Variants in SETBP1 observed in about 807,000 individuals in gnomAD.
SETBP1 encodes the protein SET binding protein 1, also known as SET-binding protein.
SETBP1 carries 9 observed loss-of-function variants against 101.0 expected under a neutral mutation model. That is an observed-to-expected ratio of 0.09 (90% CI 0.05 to 0.16). SETBP1 has a LOEUF of 0.16. Among genes scored for constraint, SETBP1 ranks in the 10% least tolerant of loss-of-function variants. SETBP1 has a pLI of 1.00. For synonymous variants in SETBP1, 818 were observed against 788.5 expected, an observed-to-expected ratio of 1.04 and a Z score of -0.63; for missense variants, 1,858 against 2,033.8, an observed-to-expected ratio of 0.91 and a Z score of 1.66.
chr18:44,896,127 C>T (rs1210753049), intron 3 of SETBP1, among the ~76,000 whole-genome samples: 1 of 152,140 alleles, frequency 6.6e-6, no homozygotes. Context: ...ACTTCATTGC[C>T]TACCCCTGAC....
chr18:44,758,422 G>T (rs2070554525), intron 2 of SETBP1, among the ~76,000 whole-genome samples: 1 of 147,544 alleles, frequency 6.8e-6, no homozygotes, highest in Admixed American at 6.8e-5. Flanking sequence ...TCGCTCTGTT[G>T]CCCAGGCTGG....
At chr18:44,708,355 A>C (rs1015903422) in intron 2 of SETBP1, among the ~76,000 whole-genome samples, 4 of 152,230 alleles carry the variant, frequency 2.6e-5, no homozygotes, top group Non-Finnish European at 5.9e-5. Flanking sequence ...CAACACCCTC[A>C]TCCTGACTTG....
intron 4 of SETBP1, among the ~76,000 whole-genome samples, chr18:45,020,896 T>G (rs543692657): frequency 1.3e-5 from 2 of 152,262 alleles, no homozygotes; most frequent in East Asian, 3.9e-4. Context: ...AAATGTGGGG[T>G]GTTTGTGTAT....
chr18:44,990,297 A>G (rs1173059151), intron 4 of SETBP1, among the ~76,000 whole-genome samples: 2 of 152,230 alleles, frequency 1.3e-5, no homozygotes, highest in Admixed American at 6.5e-5. Context: ...ACTTATATTT[A>G]AATATTTGAA....
At chr18:44,875,883 A>G (rs889086654) in intron 3 of SETBP1, among the ~76,000 whole-genome samples, 3 of 152,172 alleles carry the variant, frequency 2.0e-5, no homozygotes, top group Non-Finnish European at 2.9e-5. Flanking sequence ...ATTCTTAACC[A>G]CTTATGCTAC....
intron 3 of SETBP1, among the ~76,000 whole-genome samples, chr18:44,894,716 T>C (rs2069851424): frequency 6.6e-6 from 1 of 151,874 alleles, no homozygotes; most frequent in African/African-American, 2.4e-5. Context: ...TTAAAGTATG[T>C]GTAGGAATGA....
intron 2 of SETBP1, among the ~76,000 whole-genome samples, chr18:44,841,690 C>A (rs971805482): frequency 6.6e-6 from 1 of 152,156 alleles, no homozygotes; most frequent in East Asian, 1.9e-4. Context: ...CCATCAATTA[C>A]CTTCTTCCTA....
intron 4 of SETBP1, among the ~76,000 whole-genome samples, chr18:44,997,185 A>G (rs891664540): frequency 2.6e-5 from 4 of 152,082 alleles, no homozygotes; most frequent in African/African-American, 9.7e-5. Flanking sequence ...CCCCTATGAT[A>G]CTAGCTGAGC....
At chr18:44,995,411 G>C (rs1035949709) in intron 4 of SETBP1, among the ~76,000 whole-genome samples, 2 of 152,010 alleles carry the variant, frequency 1.3e-5, no homozygotes, top group Non-Finnish European at 2.9e-5. Context: ...TAAGTGCTGG[G>C]ATTATAGGCG....
At chr18:44,799,526 A>G (rs970310868) in intron 2 of SETBP1, among the ~76,000 whole-genome samples, 2 of 152,110 alleles carry the variant, frequency 1.3e-5, no homozygotes, top group Non-Finnish European at 2.9e-5. Flanking sequence ...ATGTCTCTCT[A>G]CCTCCAGGTT....
chr18:44,810,981 G>C (rs1482079427), intron 2 of SETBP1, among the ~76,000 whole-genome samples: 27 of 152,180 alleles, frequency 1.8e-4, no homozygotes, highest in Admixed American at 1.8e-3. Context: ...TCATGACTCA[G>C]TAAAGATTCA....
chr18:44,805,932 A>G (rs2071722617), intron 2 of SETBP1, among the ~76,000 whole-genome samples: 1 of 152,156 alleles, frequency 6.6e-6, no homozygotes, highest in African/African-American at 2.4e-5. Flanking sequence ...TCTATGCTAA[A>G]TTATAGGTGT....
chr18:45,049,726 G>T (rs898188600), intron 5 of SETBP1, among the ~76,000 whole-genome samples: 2 of 152,136 alleles, frequency 1.3e-5, no homozygotes, highest in Non-Finnish European at 2.9e-5. Flanking sequence ...AACTGGAGCA[G>T]AATCAAAACA....
At chr18:45,012,615 A>C (rs895386364) in intron 4 of SETBP1, among the ~76,000 whole-genome samples, 134 of 152,330 alleles carry the variant, frequency 8.8e-4, no homozygotes, top group African/African-American at 3.1e-3. Flanking sequence ...TCAAAGCATC[A>C]TAAAATACAG....
chr18:44,841,829 G>A (rs1379886038), intron 2 of SETBP1, among the ~76,000 whole-genome samples: 3 of 152,116 alleles, frequency 2.0e-5, no homozygotes, highest in African/African-American at 4.8e-5. Flanking sequence ...CTGAAGGATC[G>A]GATTACCTTG....
chr18:44,850,707 C>T (rs568256567), intron 2 of SETBP1, among the ~76,000 whole-genome samples: 1 of 152,036 alleles, frequency 6.6e-6, no homozygotes, highest in South Asian at 2.1e-4. Context: ...GGTGGAAAAT[C>T]CCCCAACTCC....
At chr18:44,711,074 A>G (rs2069328067) in intron 2 of SETBP1, among the ~76,000 whole-genome samples, 1 of 152,178 alleles carries the variant, frequency 6.6e-6, no homozygotes, top group Non-Finnish European at 1.5e-5. Context: ...CTGGTGGATC[A>G]GTGAGCCCCC....
chr18:44,768,102 T>C (rs1346283057), intron 2 of SETBP1, among the ~76,000 whole-genome samples: 1 of 152,236 alleles, frequency 6.6e-6, no homozygotes, highest in Non-Finnish European at 1.5e-5. Flanking sequence ...AGGAGCACAG[T>C]AGGGGCACCT....
chr18:44,951,457 A>G lies in SETBP1; in HGVS notation c.2117A>G (p.Glu706Gly), dbSNP rs530739140. The G allele has an allele frequency of 3.9e-5, 63 of 1,614,150 alleles. No individual in the cohort carries two copies. Among genetic ancestry groups the G allele is most frequent in the Non-Finnish European group, 5.0e-5 (59 of 1,180,036 alleles). ...ACCAGCCCTGGGGCAGCAGCCATTG[A>G]AAGCAAACTGGGCAAGCAGATTAAT... is the stretch of plus-strand genomic sequence containing the variant. ...PETSPGAAAI[E>G]SKLGKQINVS... Residue 706 changes from glutamate (E) to glycine (G), a missense_variant, in exon 4 of 6, where the codon GAA (glutamate) becomes GGA (glycine). By Grantham distance (98) the Glu-to-Gly change is moderately conservative. Around this residue, in one of 12 missense-constraint regions of SETBP1, gnomAD observed 111 missense variants for 119.3 expected, o/e 0.93. Transcript: ENST00000649279. The surrounding 1 kb of genome is among the most constrained non-coding windows in gnomAD (Gnocchi z 7.8).
Sources: allele counts gnomAD v4.1 joint callset (sites outside exome capture counted in the v4.1 genomes callset), GRCh38; gene constraint gnomAD v4.1.1; regional missense constraint gnomAD v4.1.1; non-coding constraint Gnocchi (gnomAD v3.1); transcripts MANE v1.5; gene names NCBI Gene and HGNC (gene_info 2026-07-23, HGNC 2026-07-21).